STARD13: variants seen among roughly 807,000 people sequenced by gnomAD.
The protein encoded by STARD13 is StAR related lipid transfer domain containing 13.
In STARD13, 62 loss-of-function variants were observed where a neutral mutation model predicts 106.4. The ratio of observed to expected loss-of-function variants is 0.58; its 90% CI spans 0.48 to 0.72. The LOEUF (loss-of-function observed/expected upper bound fraction) is 0.72. STARD13 is among the 30% of genes least tolerant of loss of function. STARD13 has a pLI of 0.00. For missense variants in STARD13, 1,387 were observed against 1,424.0 expected, an observed-to-expected ratio of 0.97 and a Z score of 0.42; for synonymous variants, 565 against 553.0, an observed-to-expected ratio of 1.02 and a Z score of -0.31.
chr13:33,113,598 C>T (rs374326933), intron 8 of STARD13: 1 of 512,278 alleles, frequency 2.0e-6, no homozygotes, highest in African/African-American at 1.9e-5. Flanking sequence ...CTATTGACTT[C>T]ATGTGGAGAC....
At chr13:33,442,327 T>G in the STARD13 span, among the ~76,000 whole-genome samples, 1 of 152,130 alleles carries the variant, frequency 6.6e-6, no homozygotes, top group Middle Eastern at 3.4e-3. Flanking sequence ...TGAGATGGAG[T>G]GCTAACAGAG....
chr13:33,161,120 T>C (rs1882573445), intron 3 of STARD13, among the ~76,000 whole-genome samples: 1 of 152,100 alleles, frequency 6.6e-6, no homozygotes, highest in Non-Finnish European at 1.5e-5. Context: ...GCAACATAAA[T>C]GAATTTTTAT....
chr13:33,525,589 T>C, the STARD13 span, among the ~76,000 whole-genome samples: 1 of 152,116 alleles, frequency 6.6e-6, no homozygotes, highest in Admixed American at 6.6e-5. Context: ...TTTTATCAAA[T>C]TGAAGTAATA....
the STARD13 span, among the ~76,000 whole-genome samples, chr13:33,422,755 C>A: frequency 6.6e-6 from 1 of 152,052 alleles, no homozygotes; most frequent in Non-Finnish European, 1.5e-5. Flanking sequence ...AGATATAGAC[C>A]AATGGAACAG....
At chr13:33,357,685 C>T in the STARD13 span, among the ~76,000 whole-genome samples, 2 of 152,204 alleles carry the variant, frequency 1.3e-5, no homozygotes, top group East Asian at 3.8e-4. Flanking sequence ...TAAATCCAGT[C>T]TTTGGGAGGC....
the STARD13 span, among the ~76,000 whole-genome samples, chr13:33,447,515 A>G: frequency 6.6e-6 from 1 of 152,258 alleles, no homozygotes; most frequent in South Asian, 2.1e-4. Flanking sequence ...ATTAGACTTG[A>G]GTTGTACTCT....
intron 1 of STARD13, chr13:33,206,107 T>C: frequency 1.6e-6 from 1 of 637,026 alleles, no homozygotes; most frequent in Non-Finnish European, 2.0e-6. Flanking sequence ...AACTCACAGC[T>C]GGATTTCCTA....
At chr13:33,118,676 C>T (rs1665076380) in intron 7 of STARD13, among the ~76,000 whole-genome samples, 2 of 152,194 alleles carry the variant, frequency 1.3e-5, no homozygotes, top group South Asian at 4.2e-4. Flanking sequence ...GTTTACATTG[C>T]CATGGGGATT....
chr13:33,116,176 T>C (rs951810262), intron 8 of STARD13, among the ~76,000 whole-genome samples: 1 of 152,192 alleles, frequency 6.6e-6, no homozygotes, highest in Non-Finnish European at 1.5e-5. Context: ...ACTTTGTATG[T>C]CTGCCATACA....
the STARD13 span, among the ~76,000 whole-genome samples, chr13:33,462,772 A>G: frequency 1.3e-5 from 2 of 152,044 alleles, no homozygotes; most frequent in African/African-American, 4.8e-5. Flanking sequence ...TATCCTAGTC[A>G]TGCTGGCAGC....
the STARD13 span, among the ~76,000 whole-genome samples, chr13:33,414,595 A>G: frequency 6.6e-6 from 1 of 152,106 alleles, no homozygotes; most frequent in East Asian, 1.9e-4. Context: ...AAAAGAAAAA[A>G]ATTACAGAAA....
chr13:33,114,807 C>A (rs1346350797), intron 8 of STARD13, among the ~76,000 whole-genome samples: 6 of 152,070 alleles, frequency 3.9e-5, no homozygotes, highest in African/African-American at 1.4e-4. Flanking sequence ...TTTTATCCAT[C>A]AGAAAATACT....
intron 1 of STARD13, chr13:33,275,891 G>A (rs1891403560): frequency 6.6e-6 from 1 of 152,242 alleles, no homozygotes; most frequent in African/African-American, 2.4e-5. Context: ...ACCATGTCAT[G>A]TGCTGCTCCA....
the STARD13 span, among the ~76,000 whole-genome samples, chr13:33,667,539 T>C: frequency 6.6e-6 from 1 of 152,266 alleles, no homozygotes; most frequent in Non-Finnish European, 1.5e-5. Context: ...TATGTGTGAA[T>C]GTGTCCATTT....
chr13:33,169,189 A>T lies in STARD13; in HGVS notation c.170-1567T>A, dbSNP rs143856511. Reference sequence around the variant, plus strand: ...GCTATTGAAAGCATTTCTATCAGAAAAGGAGTCTCTGAGTTCCACAACTGC... The same window carrying T: ...GCTATTGAAAGCATTTCTATCAGAATAGGAGTCTCTGAGTTCCACAACTGC... On this transcript the variant is annotated intron_variant, in intron 1 of 13. Transcript: ENST00000336934. 2.2e-3 allele frequency among the ~76,000 whole-genome samples: 342 copies of T among 152,360 alleles called. 2 individuals are homozygous for T. The highest frequency in any genetic ancestry group is 0.012 in the Admixed American group (187 of 15,306).
chr13:33,664,303 A>G, the STARD13 span, among the ~76,000 whole-genome samples: 1 of 152,172 alleles, frequency 6.6e-6, no homozygotes, highest in African/African-American at 2.4e-5. Flanking sequence ...TTAGTAGCAG[A>G]CACACTTATT....
In STARD13 at chr13:33,128,471, A is replaced by C. The variant is rs146581401; in HGVS notation, c.1748+458T>G. Among the ~76,000 whole-genome samples, 642 of 152,290 alleles carry C rather than the reference A, an allele frequency of 4.2e-3. 7 individuals are homozygous for C. Among genetic ancestry groups the C allele is most frequent in the African/African-American group, 0.015 (607 of 41,558 alleles). On this transcript the variant is annotated intron_variant, in intron 5 of 13. Coordinates refer to ENST00000336934, the MANE Select transcript of STARD13 (RefSeq NM_178006.4). The stretch of plus-strand genomic sequence containing the variant: ...GATGTACTTTGTAATTGGCACTTTA[A>C]AGCAAAAACAAACTTGCAGAGTACA...
At chr13:33,360,576 T>G in the STARD13 span, among the ~76,000 whole-genome samples, 1 of 136,682 alleles carries the variant, frequency 7.3e-6, no homozygotes, top group South Asian at 2.5e-4. Context: ...TAAAGGAGAG[T>G]TATTAGTTTT....
chr13:33,194,337 T>C (rs1360404764), intron 1 of STARD13, among the ~76,000 whole-genome samples: 1 of 152,208 alleles, frequency 6.6e-6, no homozygotes, highest in Non-Finnish European at 1.5e-5. Context: ...GGAGAGATGG[T>C]TAATATTCAT....
Sources: allele counts gnomAD v4.1 joint callset (sites outside exome capture counted in the v4.1 genomes callset), GRCh38; gene constraint gnomAD v4.1.1; transcripts MANE v1.5; gene names NCBI Gene and HGNC (gene_info 2026-07-23, HGNC 2026-07-21).